The following PHACTR1 variants were observed in gnomAD, a reference collection of about 807,000 sequenced individuals.
PHACTR1 encodes phosphatase and actin regulator 1.
PHACTR1 carries 16 observed loss-of-function variants against 69.2 expected under a neutral mutation model. That is an observed-to-expected ratio of 0.23 (90% CI 0.16 to 0.35). The LOEUF is 0.35. Among genes scored for constraint, PHACTR1 ranks in the 10% least tolerant of loss-of-function variants. The pLI, the probability that PHACTR1 is intolerant of heterozygous loss-of-function variation, is 1.00. For missense variants in PHACTR1, 510 were observed against 734.7 expected (o/e 0.69, Z 3.54); for synonymous variants, 312 against 284.5 (o/e 1.10, Z -0.97).
chr6:13,054,695 A>C (rs1260320873), intron 5 of PHACTR1, among the ~76,000 whole-genome samples: 1 of 152,214 alleles, frequency 6.6e-6, no homozygotes, highest in Admixed American at 6.5e-5. Context: ...CCCTACCTGC[A>C]TGACCTCATC....
At chr6:12,813,700 A>G (rs1394881307) in intron 4 of PHACTR1, among the ~76,000 whole-genome samples, 1 of 152,220 alleles carries the variant, frequency 6.6e-6, no homozygotes, top group East Asian at 1.9e-4. Flanking sequence ...AAACTGTACA[A>G]TCAGGCCAGA....
chr6:12,729,749 C>T (rs1763250481), intron 3 of PHACTR1, among the ~76,000 whole-genome samples: 1 of 152,098 alleles, frequency 6.6e-6, no homozygotes, highest in African/African-American at 2.4e-5. Context: ...CAAGGAGAGG[C>T]ATCAGGAGGC....
chr6:13,031,862 A>C (rs1235791935), intron 4 of PHACTR1, among the ~76,000 whole-genome samples: 3 of 152,248 alleles, frequency 2.0e-5, no homozygotes, highest in African/African-American at 7.2e-5. Context: ...TGCATTTCTT[A>C]CTGGATTGAC....
intron 12 of PHACTR1, among the ~76,000 whole-genome samples, chr6:13,282,882 A>G (rs1190682718): frequency 1.4e-5 from 2 of 141,454 alleles, no homozygotes; most frequent in East Asian, 3.9e-4. Context: ...ACTGGGACTC[A>G]GCAATGTTAT....
chr6:12,856,257 T>C (rs1780349776), intron 4 of PHACTR1, among the ~76,000 whole-genome samples: 2 of 149,142 alleles, frequency 1.3e-5, no homozygotes, highest in Non-Finnish European at 3.0e-5. Flanking sequence ...CTTTCTTTCT[T>C]TTTTTTTTTT....
chr6:12,812,091 A>G (rs911918135), intron 4 of PHACTR1, among the ~76,000 whole-genome samples: 2 of 152,070 alleles, frequency 1.3e-5, no homozygotes, highest in African/African-American at 2.4e-5. Flanking sequence ...CACCATCTCT[A>G]TCTAGTCCCA....
chr6:13,152,058 C>T (rs1391915658), intron 5 of PHACTR1, among the ~76,000 whole-genome samples: 1 of 152,084 alleles, frequency 6.6e-6, no homozygotes, highest in Non-Finnish European at 1.5e-5. Flanking sequence ...TCAGGCTGGG[C>T]GCAGTGGCTC....
At chr6:13,155,903 G>A (rs1348654285) in intron 5 of PHACTR1, among the ~76,000 whole-genome samples, 2 of 151,524 alleles carry the variant, frequency 1.3e-5, no homozygotes, top group Non-Finnish European at 2.9e-5. Flanking sequence ...AAAAAAACCT[G>A]AAGATTTCCT....
At chr6:12,880,949 G>T (rs1283093872) in intron 4 of PHACTR1, among the ~76,000 whole-genome samples, 1 of 151,988 alleles carries the variant, frequency 6.6e-6, no homozygotes, top group East Asian at 1.9e-4. Flanking sequence ...TTTTAAAAAA[G>T]AAATGAAATG....
intron 4 of PHACTR1, among the ~76,000 whole-genome samples, chr6:13,043,542 T>TA (rs1804537632): frequency 6.6e-6 from 1 of 152,244 alleles, no homozygotes; most frequent in Non-Finnish European, 1.5e-5. Context: ...TTTTTATAAA[T>TA]AAAGTTTTAT....
chr6:12,984,246 G>T (rs1238541300), intron 4 of PHACTR1, among the ~76,000 whole-genome samples: 1 of 152,200 alleles, frequency 6.6e-6, no homozygotes, highest in African/African-American at 2.4e-5. Context: ...ATTCTAACTG[G>T]TATGAGATGG....
intron 7 of PHACTR1, among the ~76,000 whole-genome samples, chr6:13,202,741 T>G (rs1765402496): frequency 6.6e-6 from 1 of 152,206 alleles, no homozygotes; most frequent in Non-Finnish European, 1.5e-5. Flanking sequence ...CCTCGAAAAG[T>G]GCTGGGATTA....
chr6:13,002,531 G>A (rs1364299406), intron 4 of PHACTR1, among the ~76,000 whole-genome samples: 3 of 152,240 alleles, frequency 2.0e-5, no homozygotes, highest in African/African-American at 4.8e-5. Context: ...AGCACCATGA[G>A]GAAAAGGCCA....
chr6:13,208,217 A>G (rs1027257286), intron 8 of PHACTR1, among the ~76,000 whole-genome samples: 1 of 152,164 alleles, frequency 6.6e-6, no homozygotes, highest in Admixed American at 6.5e-5. Flanking sequence ...TGGAGAAACT[A>G]AGGGAGGTTC....
chr6:13,055,271 ACT>A (rs775584354), intron 5 of PHACTR1, among the ~76,000 whole-genome samples: 1 of 151,884 alleles, frequency 6.6e-6, no homozygotes, highest in South Asian at 2.1e-4. Context: ...TGCATTCTCC[ACT>A]CTCTCAGTCA....
At chr6:12,757,638 C>T (rs1279208022) in intron 4 of PHACTR1, among the ~76,000 whole-genome samples, 1 of 151,948 alleles carries the variant, frequency 6.6e-6, no homozygotes, top group East Asian at 1.9e-4. Flanking sequence ...AGCCAGTATG[C>T]GTTCATGATG....
chr6:12,784,135 A>C (rs1771187734), intron 4 of PHACTR1, among the ~76,000 whole-genome samples: 1 of 152,104 alleles, frequency 6.6e-6, no homozygotes, highest in Admixed American at 6.5e-5. Context: ...ACATATGCAC[A>C]TATACATATG....
chr6:12,810,650 A>C (rs1774917254), intron 4 of PHACTR1, among the ~76,000 whole-genome samples: 1 of 152,176 alleles, frequency 6.6e-6, no homozygotes, highest in Non-Finnish European at 1.5e-5. Flanking sequence ...CATCCTCCCC[A>C]TAGCCACCAG....
intron 12 of PHACTR1, among the ~76,000 whole-genome samples, chr6:13,282,414 T>C (rs7770755): frequency 0.056 from 8,572 of 152,220 alleles, 406 homozygotes; most frequent in African/African-American, 0.13. Context: ...GCAAAATACA[T>C]ACGAATCTTC....
Sources: allele counts gnomAD v4.1 joint callset (sites outside exome capture counted in the v4.1 genomes callset), GRCh38; gene constraint gnomAD v4.1.1; transcripts MANE v1.5; gene names NCBI Gene and HGNC (gene_info 2026-07-23, HGNC 2026-07-21).